The following MYO5B variants were observed in gnomAD, a reference collection of about 807,000 sequenced individuals.
MYO5B encodes unconventional myosin-Vb.
A neutral mutation model predicts 229.3 loss-of-function variants in MYO5B; 143 were observed. The ratio of observed to expected loss-of-function variants is 0.62; its 90% CI spans 0.54 to 0.72. The LOEUF (loss-of-function observed/expected upper bound fraction) is 0.72. Ranked by LOEUF, MYO5B falls within the 30% of genes least tolerant of loss-of-function variation. MYO5B has a pLI of 0.00. For synonymous variants in MYO5B, 918 were observed against 885.2 expected (o/e 1.04, Z -0.66); for missense variants, 2,321 against 2,331.0 (o/e 1.00, Z 0.09).
At chr18:49,866,700 A>T (rs1487741652) in intron 27 of MYO5B, among the ~76,000 whole-genome samples, 1 of 152,226 alleles carries the variant, frequency 6.6e-6, no homozygotes, top group Admixed American at 6.5e-5. Context: ...AATCTTCATC[A>T]TCTGCCTTCT....
At chr18:49,944,145 C>T (rs1054870183) in intron 14 of MYO5B, among the ~76,000 whole-genome samples, 2 of 152,138 alleles carry the variant, frequency 1.3e-5, no homozygotes, top group Non-Finnish European at 2.9e-5. Context: ...ATTTATTGAG[C>T]ACGTTGACTA....
intron 26 of MYO5B, among the ~76,000 whole-genome samples, chr18:49,874,564 AC>A (rs1436927071): frequency 6.6e-6 from 1 of 152,250 alleles, no homozygotes; most frequent in Non-Finnish European, 1.5e-5. Flanking sequence ...GGGAAAAAAA[AC>A]AAGAATTTGC....
At chr18:50,190,154 G>C (rs2033207310) in intron 1 of MYO5B, among the ~76,000 whole-genome samples, 1 of 152,208 alleles carries the variant, frequency 6.6e-6, no homozygotes, top group African/African-American at 2.4e-5. Flanking sequence ...TGAAATAGCA[G>C]TATTTAAATT....
In MYO5B at chr18:50,075,015, C is replaced by G. The variant is rs192038705; in HGVS notation, c.28-19637G>C. ...GGGTTTCACCATTGGTCAGGCTGGTCTCGAACTCCTGACCTCATGATCTGC... is the reference window on the plus strand; with the variant it reads ...GGGTTTCACCATTGGTCAGGCTGGTGTCGAACTCCTGACCTCATGATCTGC... On this transcript the variant is annotated intron_variant, in intron 1 of 39. Coordinates refer to ENST00000285039, the MANE Select transcript of MYO5B (RefSeq NM_001080467.3). Among the ~76,000 whole-genome samples, 11 of 152,248 alleles carry G rather than the reference C, an allele frequency of 7.2e-5. No individual in the cohort carries two copies. The South Asian group carries it at 2.3e-3, about 32-fold the overall frequency.
At chr18:50,119,717 C>T (rs1004134797) in intron 1 of MYO5B, among the ~76,000 whole-genome samples, 3 of 152,228 alleles carry the variant, frequency 2.0e-5, no homozygotes, top group South Asian at 2.1e-4. Flanking sequence ...TAAATCAGCC[C>T]GAGTTGTTCA....
intron 18 of MYO5B, among the ~76,000 whole-genome samples, chr18:49,908,996 C>T (rs2024929645): frequency 6.6e-6 from 1 of 152,232 alleles, no homozygotes; most frequent in Non-Finnish European, 1.5e-5. Context: ...CCCCCAGCCC[C>T]AGGCTGCCCC....
intron 31 of MYO5B, among the ~76,000 whole-genome samples, chr18:49,852,573 C>T (rs956059268): frequency 2.0e-5 from 3 of 152,098 alleles, no homozygotes; most frequent in South Asian, 4.2e-4. Flanking sequence ...CAGCCATGGC[C>T]GGACTCCTGG....
intron 1 of MYO5B, among the ~76,000 whole-genome samples, chr18:50,056,986 G>A (rs1280661214): frequency 6.6e-6 from 1 of 152,100 alleles, no homozygotes; most frequent in Non-Finnish European, 1.5e-5. Flanking sequence ...TCTTAAGCCT[G>A]CTGCCTTATG....
chr18:50,160,034 G>C (rs1199199484), intron 1 of MYO5B, among the ~76,000 whole-genome samples: 1 of 152,242 alleles, frequency 6.6e-6, no homozygotes, highest in African/African-American at 2.4e-5. Flanking sequence ...TGATGGCATG[G>C]CCAGGGGTGC....
chr18:50,175,653 G>T (rs1337521866), intron 1 of MYO5B, among the ~76,000 whole-genome samples: 3 of 152,208 alleles, frequency 2.0e-5, no homozygotes, highest in Non-Finnish European at 4.4e-5. Context: ...ACAATAAGCA[G>T]TCATTTCTAG....
At chr18:49,914,325 T>C (rs866323166) in intron 17 of MYO5B, among the ~76,000 whole-genome samples, 2 of 152,090 alleles carry the variant, frequency 1.3e-5, no homozygotes, top group African/African-American at 2.4e-5. Context: ...CACACCCCCA[T>C]AGCACACCCT....
intron 10 of MYO5B, 44 bp from the exon 11 acceptor site, chr18:49,963,074 A>G: frequency 4.6e-6 from 7 of 1,521,804 alleles, no homozygotes; most frequent in Non-Finnish European, 6.4e-6. Flanking sequence ...CCTTTCAACA[A>G]AGGAATCACT....
intron 30 of MYO5B, 142 bp from the exon 31 acceptor site, chr18:49,853,789 GAGAC>G: frequency 1.3e-6 from 1 of 771,686 alleles, no homozygotes; most frequent in Non-Finnish European, 2.1e-6. Flanking sequence ...AATGCAGCAG[GAGAC>G]AGATGCCATG....
At chr18:50,001,569 G>A (rs1214442178) in intron 4 of MYO5B, among the ~76,000 whole-genome samples, 158 bp from the exon 5 acceptor site, 1 of 152,142 alleles carries the variant, frequency 6.6e-6, no homozygotes, top group Non-Finnish European at 1.5e-5. Flanking sequence ...TGCCCTCCCC[G>A]ACACCTGCAA....
intron 17 of MYO5B, 98 bp from the exon 18 acceptor site, chr18:49,912,271 T>C (rs1598877526): frequency 1.1e-6 from 1 of 895,644 alleles, no homozygotes; most frequent in East Asian, 2.4e-5. Flanking sequence ...GGGTCAACAC[T>C]GTGGCACAAA....
intron 4 of MYO5B, among the ~76,000 whole-genome samples, chr18:50,032,817 C>A (rs930418106): frequency 1.3e-5 from 2 of 152,118 alleles, no homozygotes; most frequent in African/African-American, 4.8e-5. Flanking sequence ...AAAACCCTGT[C>A]TCTACTAAAA....
At chr18:50,026,396 A>G (rs2144366132) in intron 4 of MYO5B, among the ~76,000 whole-genome samples, 1 of 152,386 alleles carries the variant, frequency 6.6e-6, no homozygotes, top group Admixed American at 6.5e-5. Context: ...CTAACTGTAG[A>G]ACTGAAAGTG....
chr18:50,183,803 T>C (rs1170860046), intron 1 of MYO5B, among the ~76,000 whole-genome samples: 1 of 151,982 alleles, frequency 6.6e-6, no homozygotes, highest in Non-Finnish European at 1.5e-5. Flanking sequence ...TCATGAATGG[T>C]ATGGTGCTGT....
At chr18:50,039,409 G>A (rs1006299307) in intron 3 of MYO5B, among the ~76,000 whole-genome samples, 3 of 152,094 alleles carry the variant, frequency 2.0e-5, no homozygotes, top group Admixed American at 6.5e-5. Context: ...TCGGCTCACT[G>A]CAAGCTCCGA....
Sources: allele counts gnomAD v4.1 joint callset (sites outside exome capture counted in the v4.1 genomes callset), GRCh38; gene constraint gnomAD v4.1.1; transcripts MANE v1.5; gene names NCBI Gene and HGNC (gene_info 2026-07-23, HGNC 2026-07-21).